Variants in PPP1R1C observed in about 807,000 individuals in gnomAD.
PPP1R1C encodes the protein protein phosphatase 1 regulatory inhibitor subunit 1C, also known as protein phosphatase 1 regulatory subunit 1C.
A neutral mutation model predicts 17.4 loss-of-function variants in PPP1R1C; 15 were observed. The observed-to-expected ratio is 0.86, with a 90% CI of 0.58 to 1.33. PPP1R1C has a LOEUF of 1.33. Among genes scored for constraint, PPP1R1C ranks in the 40% most tolerant of loss-of-function variants. The probability of loss-of-function intolerance (pLI) is 0.00; values close to 1 mark genes in which losing one functional copy is unlikely to be tolerated. For synonymous variants in PPP1R1C, 35 were observed against 43.1 expected (o/e 0.81, Z 0.73); for missense variants, 143 against 130.0 (o/e 1.10, Z -0.48).
intron 4 of PPP1R1C, among the ~76,000 whole-genome samples, chr2:182,098,135 CT>C (rs1688997245): frequency 6.6e-6 from 1 of 152,154 alleles, no homozygotes; most frequent in African/African-American, 2.4e-5. Flanking sequence ...CCCCCAACCC[CT>C]GGCCTCTACC....
chr2:182,080,361 G>T (rs1688439097), intron 4 of PPP1R1C, among the ~76,000 whole-genome samples: 1 of 152,174 alleles, frequency 6.6e-6, no homozygotes, highest in African/African-American at 2.4e-5. Context: ...CATTTGCTCA[G>T]ATTCAAAGCC....
intron 2 of PPP1R1C, among the ~76,000 whole-genome samples, chr2:182,044,604 A>G (rs942038732): frequency 6.6e-6 from 1 of 152,162 alleles, no homozygotes; most frequent in Non-Finnish European, 1.5e-5. Flanking sequence ...CCCCTGATAT[A>G]TGCTTCTCGC....
intron 4 of PPP1R1C, among the ~76,000 whole-genome samples, chr2:182,106,152 G>T (rs1446536364): frequency 6.6e-6 from 1 of 152,174 alleles, no homozygotes; most frequent in Non-Finnish European, 1.5e-5. Context: ...ATACAGGAGT[G>T]GGGCAGGGAA....
At chr2:182,126,322 A>G (rs916540337) in intron 5 of PPP1R1C, among the ~76,000 whole-genome samples, 22 of 152,224 alleles carry the variant, frequency 1.4e-4, no homozygotes, top group African/African-American at 4.8e-4. Context: ...CAGAATGTAG[A>G]AGAAATGCCT....
chr2:182,103,009 G>T (rs902739182), intron 4 of PPP1R1C, among the ~76,000 whole-genome samples: 1 of 151,996 alleles, frequency 6.6e-6, no homozygotes, highest in Non-Finnish European at 1.5e-5. Context: ...TCGCCATGTT[G>T]CCCAGGCTGG....
At position 181,962,511 on chromosome 2, in the gene PPP1R1C, T is replaced by C; in HGVS notation, n.111+7877T>C. 1 of 648,702 alleles carries C rather than the reference T, an allele frequency of 1.5e-6. No individual in the cohort carries two copies. Among genetic ancestry groups the C allele is most frequent in the East Asian group, 3.1e-5 (1 of 32,668 alleles). 40.2% of individuals were successfully genotyped at this position (648,702 alleles called of 1,614,324 possible). The stretch of plus-strand genomic sequence containing the variant: ...AGGGAGGAGAGTGAGAGGACAGGAC[T>C]CAGGCTTTGCCGACCCGTCATAGCA... On this transcript the variant is annotated intron_variant and non_coding_transcript_variant, in intron 1 of 5. Transcript: ENST00000464264. This position sits in a 1 kb window ranked among gnomAD's most constrained non-coding sequence, Gnocchi z 6.0.
chr2:182,115,271 GAAA>G (rs1689549791), intron 4 of PPP1R1C, among the ~76,000 whole-genome samples: 1 of 152,128 alleles, frequency 6.6e-6, no homozygotes, highest in Non-Finnish European at 1.5e-5. Context: ...GAGAATGATG[GAAA>G]GTTTGGGTCA....
downstream of PPP1R1C, among the ~76,000 whole-genome samples, chr2:182,121,512 G>A (rs551888004): frequency 7.2e-5 from 11 of 151,746 alleles, no homozygotes; most frequent in South Asian, 2.3e-3. Context: ...TTTTTGAGAT[G>A]GAGTCTCGCT....
intron 2 of PPP1R1C, chr2:182,030,954 C>T (rs1185739827): frequency 8.4e-5 from 13 of 155,294 alleles, no homozygotes; most frequent in Admixed American, 3.9e-4. Context: ...GCACAATATT[C>T]GGGTGGGAGT....
intron 2 of PPP1R1C, among the ~76,000 whole-genome samples, chr2:182,044,605 T>C (rs878985933): frequency 1.3e-5 from 2 of 152,226 alleles, no homozygotes; most frequent in Admixed American, 1.3e-4. Context: ...CCCTGATATA[T>C]GCTTCTCGCA....
intron 4 of PPP1R1C, among the ~76,000 whole-genome samples, chr2:182,091,234 A>G (rs1688771108): frequency 6.6e-6 from 1 of 152,354 alleles, no homozygotes; most frequent in African/African-American, 2.4e-5. Flanking sequence ...GAAGAATTAT[A>G]TCTCAGAAGC....
intron 2 of PPP1R1C, among the ~76,000 whole-genome samples, chr2:182,001,903 A>G (rs1171332077): frequency 2.6e-5 from 4 of 152,122 alleles, no homozygotes; most frequent in Admixed American, 6.6e-5. Flanking sequence ...CTATAGAAAC[A>G]ACTTATTTTT....
At chr2:182,049,123 A>G (rs1687430827) in intron 2 of PPP1R1C, among the ~76,000 whole-genome samples, 1 of 152,086 alleles carries the variant, frequency 6.6e-6, no homozygotes, top group South Asian at 2.1e-4. Context: ...ACCTGAGGTC[A>G]TGAGTTCGAC....
intron 4 of PPP1R1C, among the ~76,000 whole-genome samples, chr2:182,105,711 T>G (rs1009978375): frequency 3.9e-5 from 6 of 152,220 alleles, no homozygotes; most frequent in Admixed American, 2.6e-4. Context: ...TAGCAGGTGC[T>G]TCCAAGAAGC....
chr2:182,048,456 C>T (rs1687409292), intron 2 of PPP1R1C, among the ~76,000 whole-genome samples: 1 of 152,176 alleles, frequency 6.6e-6, no homozygotes, highest in Admixed American at 6.5e-5. Flanking sequence ...TTTAGCCTTA[C>T]TAAAAAGAAA....
At chr2:182,030,002 C>A (rs1340707690) in intron 2 of PPP1R1C, among the ~76,000 whole-genome samples, 2 of 96,364 alleles carry the variant, frequency 2.1e-5, no homozygotes, top group Non-Finnish European at 4.2e-5. Context: ...CAGTTGATCG[C>A]ATCGGCTCCT....
chr2:182,061,155 T>C (rs1687838360), intron 2 of PPP1R1C, among the ~76,000 whole-genome samples: 1 of 152,002 alleles, frequency 6.6e-6, no homozygotes, highest in African/African-American at 2.4e-5. Flanking sequence ...ACACCTAACT[T>C]TGTTCCAAGA....
intron 2 of PPP1R1C, chr2:181,975,274 G>A (rs1685077341): frequency 6.7e-6 from 1 of 150,206 alleles, no homozygotes; most frequent in African/African-American, 2.5e-5. Flanking sequence ...GGTAAGACTG[G>A]GCAAGACTTT....
chr2:182,014,638 C>G (rs1232611985), intron 2 of PPP1R1C, among the ~76,000 whole-genome samples: 1 of 151,706 alleles, frequency 6.6e-6, no homozygotes, highest in South Asian at 2.1e-4. Context: ...AGCGGCAAAC[C>G]CTACTCCATC....
Sources: gnomAD v4.1 joint callset for allele counts (sites outside exome capture counted in the v4.1 genomes callset) on GRCh38, gnomAD v4.1.1 for gene constraint, Gnocchi (gnomAD v3.1) non-coding constraint, MANE v1.5 for transcripts, NCBI Gene and HGNC (gene_info 2026-07-23, HGNC 2026-07-21) for gene names.